Variants in LIMA1 observed in about 807,000 individuals in gnomAD.
The protein encoded by LIMA1 is LIM domain and actin binding 1.
A neutral mutation model predicts 62.6 loss-of-function variants in LIMA1; 52 were observed. The ratio of observed to expected loss-of-function variants is 0.83; its 90% CI spans 0.67 to 1.05. The LOEUF (loss-of-function observed/expected upper bound fraction) is 1.05, where lower values mean the gene tolerates loss of function less well. LIMA1 is among the 50% of genes least tolerant of loss of function. The pLI is 0.00. For missense variants in LIMA1, 780 were observed against 902.2 expected (o/e 0.86, Z 1.74); for synonymous variants, 302 against 317.8 (o/e 0.95, Z 0.53).
chr12:50,190,822 G>T (rs975833140), intron 9 of LIMA1, among the ~76,000 whole-genome samples: 10 of 149,918 alleles, frequency 6.7e-5, no homozygotes, highest in Admixed American at 6.0e-4. Flanking sequence ...AAAAAAAGTG[G>T]GAACAACAGG....
intron 4 of LIMA1, among the ~76,000 whole-genome samples, chr12:50,206,850 C>G (rs1325231455): frequency 1.3e-5 from 2 of 152,144 alleles, no homozygotes; most frequent in African/African-American, 4.8e-5. Context: ...CCCTCTACTG[C>G]ACTGTAAGCT....
chr12:50,270,141 A>G (rs1338795376), intron 1 of LIMA1, among the ~76,000 whole-genome samples: 1 of 146,198 alleles, frequency 6.8e-6, no homozygotes, highest in Non-Finnish European at 1.5e-5. Flanking sequence ...AGGCTGAGGC[A>G]GGAGAATCTC....
intron 3 of LIMA1, among the ~76,000 whole-genome samples, chr12:50,226,611 C>T (rs1941531549): frequency 6.6e-6 from 1 of 152,118 alleles, no homozygotes; most frequent in South Asian, 2.1e-4. Context: ...GAGGCCGAGG[C>T]GGGCGGATCA....
intron 9 of LIMA1, among the ~76,000 whole-genome samples, chr12:50,183,291 C>G (rs780356307): frequency 1.3e-5 from 2 of 152,068 alleles, no homozygotes; most frequent in Admixed American, 1.3e-4. Flanking sequence ...GGAGTTAACC[C>G]TTGACTTGCC....
chr12:50,251,010 G>A (rs1050539747), intron 1 of LIMA1, among the ~76,000 whole-genome samples: 1 of 152,070 alleles, frequency 6.6e-6, no homozygotes, highest in African/African-American at 2.4e-5. Flanking sequence ...CATGTACTTT[G>A]CAATAAACTG....
intron 1 of LIMA1, among the ~76,000 whole-genome samples, chr12:50,254,506 T>C (rs1320868334): frequency 6.6e-6 from 1 of 152,170 alleles, no homozygotes; most frequent in Non-Finnish European, 1.5e-5. Flanking sequence ...CCAGGATCAA[T>C]GTTCTTTTAT....
chr12:50,209,583 A>AAAAAG (rs1565841681), intron 4 of LIMA1, among the ~76,000 whole-genome samples: 2 of 125,702 alleles, frequency 1.6e-5, no homozygotes, highest in Admixed American at 7.4e-5. Context: ...AAAAAAAAAA[A>AAAAAG]AAAAGAAAAA....
chr12:50,231,021 G>A (rs990617780), intron 3 of LIMA1, among the ~76,000 whole-genome samples: 5 of 152,194 alleles, frequency 3.3e-5, no homozygotes, highest in Admixed American at 6.5e-5. Flanking sequence ...CCAGGAGGAT[G>A]TTTTTGTAAT....
At chr12:50,212,477 AAG>A (rs1941275173) in intron 4 of LIMA1, among the ~76,000 whole-genome samples, 1 of 152,204 alleles carries the variant, frequency 6.6e-6, no homozygotes, top group Non-Finnish European at 1.5e-5. Context: ...CTCTCTTAGA[AAG>A]AGAGTTAATG....
Position 50,222,343 on chromosome 12 carries a change from T to C in LIMA1, c.308A>G (p.His103Arg), listed in dbSNP as rs1941458053. The change falls in exon 4 of 11, where the codon CAT (histidine) becomes CGT (arginine). Residue 103 changes from histidine (H) to arginine (R), a missense_variant. Transcript: ENST00000341247. ...GTGGCTTGTCACTTCAGCAGGAGGA[T>C]GGTCTGCTCTGTGCCTAATCTCAGT... The part of the protein sequence containing the change: ...SSTEIRHRAD[H>R]PPAEVTSHAA... The C allele has an allele frequency of 6.2e-7, 1 of 1,614,046 alleles. No homozygotes were observed. The highest frequency in any genetic ancestry group is 1.3e-5 in the African/African-American group (1 of 74,912).
At chr12:50,228,484 C>T (rs753097278) in intron 3 of LIMA1, among the ~76,000 whole-genome samples, 1 of 152,174 alleles carries the variant, frequency 6.6e-6, no homozygotes, top group Non-Finnish European at 1.5e-5. Context: ...TTTCTTCACT[C>T]GGCTTCTGGC....
At chr12:50,189,570 A>C (rs1232328338) in intron 9 of LIMA1, 3 of 152,254 alleles carry the variant, frequency 2.0e-5, no homozygotes, top group Non-Finnish European at 4.4e-5. Context: ...GTAGCCCCTC[A>C]TTAGCAAGCT....
At position 50,214,117 on chromosome 12, in the gene LIMA1, T is replaced by C. The variant is rs534632506; in HGVS notation, c.630+7904A>G. Among the ~76,000 whole-genome samples, 12 of 152,030 alleles carry C rather than the reference T, an allele frequency of 7.9e-5. No homozygotes were observed. In the East Asian group the frequency reaches 1.7e-3, roughly 22 times the overall value. On this transcript the variant is annotated intron_variant, in intron 4 of 10. Transcript: ENST00000341247. ...GCTGATATGTAGTCTTTACAAGAAA[T>C]GTACCACTATAAATAGATGTCAGTC...
rs1940322684 is a variant in LIMA1 at position 50,175,894 on chromosome 12, A to G, written c.*1170T>C. The G allele has an allele frequency of 6.6e-6, 1 of 152,212 alleles. No individual in the cohort carries two copies. The highest frequency in any genetic ancestry group is 2.4e-5 in the African/African-American group (1 of 41,466). The allele number at this position is 152,212 out of a possible 1,614,324, so 9.4% of individuals were successfully genotyped here. ...TAAAAAATATTAAAGCTAAATCTCT[A>G]TAAATGCAGTACAAAGAAAAGCCTA... On this transcript the variant is annotated 3_prime_UTR_variant, in exon 11 of 11. Coordinates refer to ENST00000341247, the MANE Select transcript of LIMA1 (RefSeq NM_016357.5).
At chr12:50,189,405 G>T (rs1460707247) in intron 9 of LIMA1, 2 of 152,136 alleles carry the variant, frequency 1.3e-5, no homozygotes, top group Non-Finnish European at 2.9e-5. Context: ...CGGCAGATAT[G>T]AGCATGAGTT....
At chr12:50,201,421 A>T (rs1941048049) in intron 6 of LIMA1, 1 of 982,826 alleles carries the variant, frequency 1.0e-6, no homozygotes, top group Admixed American at 6.1e-5. Context: ...TTCAAAAAGC[A>T]TGTTTTTCCA....
intron 1 of LIMA1, among the ~76,000 whole-genome samples, chr12:50,260,440 C>A (rs555309570): frequency 6.6e-6 from 1 of 152,180 alleles, no homozygotes; most frequent in East Asian, 1.9e-4. Context: ...TGAGCCACCA[C>A]GCCCAGCCCA....
At chr12:50,272,918 C>T (rs909375499) in intron 1 of LIMA1, among the ~76,000 whole-genome samples, 1 of 148,924 alleles carries the variant, frequency 6.7e-6, no homozygotes. Flanking sequence ...GGCGTTGTGG[C>T]GGGCGCCTGT....
intron 1 of LIMA1, among the ~76,000 whole-genome samples, chr12:50,267,807 C>T (rs1453634547): frequency 6.6e-6 from 1 of 152,044 alleles, no homozygotes; most frequent in African/African-American, 2.4e-5. Context: ...CATGAGCCAC[C>T]ACACCCAGCC....
Sources: allele counts gnomAD v4.1 joint callset (sites outside exome capture counted in the v4.1 genomes callset), GRCh38; gene constraint gnomAD v4.1.1; transcripts MANE v1.5; gene names NCBI Gene and HGNC (gene_info 2026-07-23, HGNC 2026-07-21).